Variants in CHP1 observed in about 807,000 individuals in gnomAD.
CHP1 encodes the protein calcineurin B homologous protein 1.
A neutral mutation model predicts 27.4 loss-of-function variants in CHP1; 11 were observed. That is an observed-to-expected ratio of 0.40 (90% CI 0.25 to 0.67). The LOEUF is 0.67. Among genes scored for constraint, CHP1 ranks in the 30% least tolerant of loss-of-function variants. The probability of loss-of-function intolerance (pLI) is 0.38; values close to 1 mark genes in which losing one functional copy is unlikely to be tolerated. For missense variants in CHP1, 169 were observed against 251.3 expected (o/e 0.67, Z 2.22); for synonymous variants, 89 against 87.4 (o/e 1.02, Z -0.10).
At chr15:41,273,051 C>T (rs974200908) in intron 5 of CHP1, among the ~76,000 whole-genome samples, 1 of 150,744 alleles carries the variant, frequency 6.6e-6, no homozygotes, top group African/African-American at 2.4e-5. Context: ...GGCGAGACTC[C>T]GTCTCAAAAA....
chr15:41,240,273 C>T (rs1221559628), intron 1 of CHP1, among the ~76,000 whole-genome samples: 8 of 152,020 alleles, frequency 5.3e-5, no homozygotes, highest in Non-Finnish European at 1.0e-4. Flanking sequence ...GGATTATAGG[C>T]GCCAGCCATC....
chr15:41,263,035 G>A (rs2047441339), intron 4 of CHP1, 152 bp downstream of exon 4: 1 of 1,048,306 alleles, frequency 9.5e-7, no homozygotes, highest in East Asian at 2.7e-5. Flanking sequence ...TTAAATACTA[G>A]TCTACCCTTT....
chr15:41,251,799 G>C (rs1204803481), intron 2 of CHP1, among the ~76,000 whole-genome samples: 3 of 148,924 alleles, frequency 2.0e-5, no homozygotes, highest in Non-Finnish European at 3.0e-5. Flanking sequence ...ATCGCTGCCA[G>C]CTGCCTTTTT....
At chr15:41,247,206 G>A (rs28409265) in intron 2 of CHP1, among the ~76,000 whole-genome samples, 76,163 of 151,038 alleles carry the variant, frequency 0.5, 20,683 homozygotes, top group African/African-American at 0.72. Context: ...CCATCTTTAC[G>A]AAAAATACAA....
At chr15:41,234,822 T>C (rs1267016250) in intron 1 of CHP1, among the ~76,000 whole-genome samples, 2 of 152,312 alleles carry the variant, frequency 1.3e-5, no homozygotes, top group East Asian at 3.9e-4. Flanking sequence ...AATCGTCTTA[T>C]TGGGAAAATA....
rs1006013051 is a variant in CHP1, at chr15:41,264,731, C to T, written c.349+1848C>T. On this transcript the variant is annotated intron_variant, in intron 4 of 6. Transcript: ENST00000334660. ...AAGTGCTGGGATTACAGGCATGAGCCTCCATACCCAGCCTGTTTTTTTCAT... is the reference window on the plus strand; with the variant it reads ...AAGTGCTGGGATTACAGGCATGAGCTTCCATACCCAGCCTGTTTTTTTCAT... Among the ~76,000 whole-genome samples the T allele has an allele frequency of 1.4e-3, 219 of 152,310 alleles. 2 individuals carry two copies. The highest frequency in any genetic ancestry group is 5.0e-3 in the African/African-American group (208 of 41,570).
rs758885703 is a variant in CHP1, at chr15:41,270,602, G to A, written c.395G>A (p.Arg132His). 11 of 1,613,636 alleles carry A rather than the reference G, an allele frequency of 6.8e-6. No individual in the cohort carries two copies. Among genetic ancestry groups the A allele is most frequent in the East Asian group, 2.2e-5 (1 of 44,896 alleles). ...TTGGATAAAGATGAAAAGATCTCCC[G>A]TGATGAGCTGTTACAGGTATGTGGA... is the stretch of plus-strand genomic sequence containing the variant. The part of the protein sequence containing the change: ...YDLDKDEKIS[R>H]DELLQVLRMM... Residue 132 changes from arginine (R) to histidine (H), a missense_variant, in exon 5 of 7, where the codon CGT becomes CAT. Transcript: ENST00000334660.
chr15:41,253,644 C>T (rs193225985), intron 2 of CHP1, among the ~76,000 whole-genome samples: 5 of 151,474 alleles, frequency 3.3e-5, no homozygotes, highest in South Asian at 2.1e-4. Context: ...TTAGTAGAGA[C>T]GGGGTTTCAC....
chr15:41,275,062 AC>A (rs2047513006), intron 5 of CHP1, among the ~76,000 whole-genome samples: 1 of 152,116 alleles, frequency 6.6e-6, no homozygotes, highest in Admixed American at 6.5e-5. Context: ...TCCTGGGATT[AC>A]AGGCGTGAGC....
rs540902892 is a variant in CHP1, at chr15:41,256,333, G to A, written c.141-577G>A. 4.6e-5 allele frequency among the ~76,000 whole-genome samples: 7 copies of A among 152,322 alleles called. No homozygotes were observed. In the South Asian group the frequency reaches 1.4e-3, roughly 32 times the overall value. On this transcript the variant is annotated intron_variant, in intron 2 of 6. Coordinates refer to ENST00000334660, the MANE Select transcript of CHP1 (RefSeq NM_007236.5). ...ATGACTGCTCTTGTCATGTTTGAGG[G>A]TTAAATACTTCTGTAGCCCTAGTCC...
intron 2 of CHP1, among the ~76,000 whole-genome samples, chr15:41,247,626 C>T (rs1025073208): frequency 2.0e-5 from 3 of 151,084 alleles, no homozygotes; most frequent in South Asian, 2.1e-4. Context: ...GAGCCGAGAT[C>T]GTGCCACTGC....
chr15:41,269,694 A>G (rs1320314925), intron 4 of CHP1, among the ~76,000 whole-genome samples: 2 of 152,160 alleles, frequency 1.3e-5, no homozygotes, highest in Non-Finnish European at 1.5e-5. Context: ...ATGGATCTTA[A>G]TAGCTCTAGA....
chr15:41,243,551 A>G, intron 1 of CHP1, 116 bp from the exon 2 acceptor site: 1 of 682,630 alleles, frequency 1.5e-6, no homozygotes, highest in Non-Finnish European at 2.6e-6. Context: ...CATTCTAGAG[A>G]TAAGAGTTTC....
Position 41,231,315 on chromosome 15 carries a change from C to CTCCCTCCT in CHP1, c.-59_-52dup. 2.1e-6 allele frequency: 3 copies of CTCCCTCCT among 1,453,278 alleles called. No individual in the cohort carries two copies. Among genetic ancestry groups the CTCCCTCCT allele is most frequent in the Non-Finnish European group, 2.8e-6 (3 of 1,056,212 alleles). 90.0% of individuals were successfully genotyped at this position (1,453,278 alleles called of 1,614,324 possible). On this transcript the variant is annotated 5_prime_UTR_variant, in exon 1 of 7. Transcript: ENST00000334660. ...TTCTTGACCCCTAGCCCTTCCTTCC[C>CTCCCTCCT]TCCCTCCTTCCCTCCTGTCGCCGTC...
At chr15:41,239,777 T>A (rs184805585) in intron 1 of CHP1, among the ~76,000 whole-genome samples, 3 of 151,624 alleles carry the variant, frequency 2.0e-5, no homozygotes, top group Non-Finnish European at 4.4e-5. Context: ...ATTTCTTTTT[T>A]ATTTATTTAT....
chr15:41,262,820 A>G lies in CHP1; in HGVS notation c.286A>G (p.Asn96Asp). The G allele has an allele frequency of 6.2e-7, 1 of 1,614,018 alleles. No homozygotes were observed. Among genetic ancestry groups the G allele is most frequent in the Non-Finnish European group, 8.5e-7 (1 of 1,180,030 alleles). ...TLAHFRPIED[N>D]EKSKDVNGPE... is the part of the protein sequence containing the mutation. The stretch of plus-strand genomic sequence containing the variant: ...GGCTCATTTCCGCCCCATTGAGGAT[A>G]ATGAAAAGAGCAAAGATGTGAATGG... Residue 96 changes from asparagine (N) to aspartate (D), a missense_variant, in exon 4 of 7, where the codon AAT becomes GAT. Asn to Asp is a conservative substitution (Grantham distance 23). Coordinates refer to ENST00000334660, the MANE Select transcript of CHP1 (RefSeq NM_007236.5).
intron 2 of CHP1, among the ~76,000 whole-genome samples, chr15:41,249,673 T>C (rs1039077484): frequency 5.9e-5 from 9 of 151,620 alleles, no homozygotes; most frequent in Admixed American, 2.0e-4. Flanking sequence ...GGGGTTTCAC[T>C]GTGTTAGCCA....
chr15:41,262,665 C>T, intron 3 of CHP1, 91 bp from the exon 4 acceptor site: 1 of 1,506,734 alleles, frequency 6.6e-7, no homozygotes, highest in Non-Finnish European at 9.1e-7. Flanking sequence ...TTTCAGGCTA[C>T]CGTAGCTAAA....
At chr15:41,242,343 A>G (rs922110560) in intron 1 of CHP1, among the ~76,000 whole-genome samples, 19 of 152,156 alleles carry the variant, frequency 1.2e-4, no homozygotes, top group Non-Finnish European at 2.5e-4. Flanking sequence ...ATGTACCCCA[A>G]TCAAATATTG....
Sources: allele counts gnomAD v4.1 joint callset (sites outside exome capture counted in the v4.1 genomes callset), GRCh38; gene constraint gnomAD v4.1.1; transcripts MANE v1.5; gene names NCBI Gene and HGNC (gene_info 2026-07-23, HGNC 2026-07-21).